Variants in MTERF4 observed in about 807,000 individuals in gnomAD.
MTERF4 encodes the protein transcription termination factor 4, mitochondrial.
MTERF4 carries 17 observed loss-of-function variants against 22.5 expected under a neutral mutation model. The observed-to-expected ratio is 0.75, with a 90% CI of 0.52 to 1.13. The LOEUF is 1.13. Ranked by LOEUF, MTERF4 falls within the 50% of genes most tolerant of loss-of-function variation. The pLI is 0.00. For missense variants in MTERF4, 420 were observed against 466.8 expected (o/e 0.90, Z 0.92); for synonymous variants, 165 against 175.3 (o/e 0.94, Z 0.47).
At chr2:241,091,463 G>A (rs1459101819), downstream of MTERF4, among the ~76,000 whole-genome samples, 2 of 152,000 alleles carry the variant, frequency 1.3e-5, no homozygotes, top group South Asian at 2.1e-4. This position sits in a 1 kb window ranked among gnomAD's most constrained non-coding sequence, Gnocchi z 4.1. Context: ...CTAAGAACGC[G>A]GGGTCCTCCC....
chr2:241,096,145 A>G lies in MTERF4; in HGVS notation c.999T>C (p.Asp333=), dbSNP rs775676242. The change falls in exon 4 of 4, where the codon GAT becomes GAC. Residue 333 remains aspartate (D), a synonymous_variant. Coordinates refer to ENST00000391980, the MANE Select transcript of MTERF4 (RefSeq NM_182501.4). This position sits in a 1 kb window ranked among gnomAD's most constrained non-coding sequence, Gnocchi z 5.1. ...EEEESESSTS[D]DKRASLDEDE... The stretch of plus-strand genomic sequence containing the variant: ...CCTCATCCAGACTTGCCCTTTTGTC[A>G]TCAGATGTGCTGCTCTCAGACTCCT... 3.2e-5 allele frequency: 52 copies of G among 1,613,902 alleles called. No homozygotes were observed. The highest frequency in any genetic ancestry group is 4.2e-5 in the Non-Finnish European group (49 of 1,180,034).
At chr2:241,071,739 G>C, downstream of MTERF4, 1 of 1,344,908 alleles carries the variant, frequency 7.4e-7, no homozygotes, top group Non-Finnish European at 1.0e-6. Flanking sequence ...CCCACCCATC[G>C]GCCCCATCGC....
At chr2:241,064,789 G>C in the MTERF4 span, 7 of 1,321,506 alleles carry the variant, frequency 5.3e-6, no homozygotes, top group Admixed American at 1.2e-4. This position sits in a 1 kb window ranked among gnomAD's most constrained non-coding sequence, Gnocchi z 7.0. Flanking sequence ...GGCGGGGCTG[G>C]AGCAGGGACC....
the MTERF4 span, chr2:241,065,015 G>T: frequency 7.7e-7 from 1 of 1,304,438 alleles, no homozygotes. Context: ...TCTCCCTAGA[G>T]GGCCCAACGG....
chr2:241,102,176 C>G, intron 1 of MTERF4, 77 bp downstream of exon 1: 1 of 1,542,982 alleles, frequency 6.5e-7, no homozygotes, highest in Non-Finnish European at 8.8e-7. Context: ...GTGAAACACT[C>G]GGCGGCCGCG....
the MTERF4 span, among the ~76,000 whole-genome samples, chr2:241,047,812 A>G: frequency 6.6e-6 from 1 of 150,468 alleles, no homozygotes; most frequent in African/African-American, 2.5e-5. Context: ...TGTTCTGTCC[A>G]TTCCCAGGTG....
At chr2:241,087,465 A>AC, downstream of MTERF4, 1 of 1,602,344 alleles carries the variant, frequency 6.2e-7, no homozygotes, top group Non-Finnish European at 8.5e-7. Context: ...CCTCAAGAAG[A>AC]CCCCAAACAG....
downstream of MTERF4, among the ~76,000 whole-genome samples, chr2:241,068,730 G>A (rs779292914): frequency 3.9e-5 from 6 of 152,048 alleles, no homozygotes; most frequent in Admixed American, 1.3e-4. The surrounding 1 kb of genome is among the most constrained non-coding windows in gnomAD (Gnocchi z 5.3). Context: ...TTGGCTTCCC[G>A]CCCTAGGAGC....
downstream of MTERF4, chr2:241,070,209 C>CCG: frequency 6.3e-7 from 1 of 1,598,714 alleles, no homozygotes; most frequent in Non-Finnish European, 8.5e-7. Flanking sequence ...CCTGTGAGTG[C>CCG]CGTGGGCCCT....
At chr2:241,056,875 C>T in the MTERF4 span, among the ~76,000 whole-genome samples, 8 of 152,030 alleles carry the variant, frequency 5.3e-5, no homozygotes, top group Admixed American at 1.3e-4. Context: ...GCCACTGCGC[C>T]GGGCCAAATA....
downstream of MTERF4, among the ~76,000 whole-genome samples, chr2:241,082,992 G>A (rs1054541460): frequency 1.3e-5 from 2 of 151,970 alleles, no homozygotes; most frequent in Admixed American, 1.3e-4. Flanking sequence ...TAGATACTCA[G>A]CACACATCAG....
At chr2:241,098,752 T>C (rs764131448) in intron 2 of MTERF4, among the ~76,000 whole-genome samples, 16 of 147,434 alleles carry the variant, frequency 1.1e-4, no homozygotes, top group Non-Finnish European at 2.4e-4. Flanking sequence ...AAATGCTATA[T>C]GTACACATAT....
At chr2:241,063,042 C>T in the MTERF4 span, 1 of 608,462 alleles carries the variant, frequency 1.6e-6, no homozygotes. Flanking sequence ...CCTGCCAGCT[C>T]TGACATCCAA....
downstream of MTERF4, among the ~76,000 whole-genome samples, chr2:241,070,799 T>C (rs2062671760): frequency 6.6e-6 from 1 of 151,924 alleles, no homozygotes; most frequent in Non-Finnish European, 1.5e-5. Flanking sequence ...AGTGGGAAAA[T>C]GCAGGAGCAG....
In MTERF4 at chr2:241,099,812, G is replaced by C; in HGVS notation, c.104C>G (p.Thr35Arg). The C allele has an allele frequency of 6.2e-7, 1 of 1,614,068 alleles. No homozygotes were observed. The highest frequency in any genetic ancestry group is 8.5e-7 in the Non-Finnish European group (1 of 1,180,024). The change falls in exon 2 of 4, where the codon ACG becomes AGG. Residue 35 changes from threonine (T) to arginine (R), a missense_variant. Physicochemically the swap from Thr to Arg is moderately conservative, Grantham distance 71. Coordinates refer to ENST00000391980, the MANE Select transcript of MTERF4 (RefSeq NM_182501.4). ...CAGTTTGCGCAACAAAGAAGCTGTC[G>C]TCCTTCTCTGTTCTCCAAGATGAGG... ...QTPHLGEQRR[T>R]TASLLRKLTT...
At chr2:241,062,161 AC>A in the MTERF4 span, among the ~76,000 whole-genome samples, 1 of 152,174 alleles carries the variant, frequency 6.6e-6, no homozygotes, top group African/African-American at 2.4e-5. Context: ...CTGCCAGAAA[AC>A]CTAGTTTTTA....
chr2:241,072,315 T>C, exon 5 of MTERF4: 1 of 427,086 alleles, frequency 2.3e-6, no homozygotes, highest in South Asian at 1.7e-5. Flanking sequence ...ATCTTCCCGG[T>C]GGCAGCAAGG....
chr2:241,053,391 G>A, the MTERF4 span: 1 of 1,476,228 alleles, frequency 6.8e-7, no homozygotes, highest in Non-Finnish European at 9.1e-7. Context: ...TGGCCATGTG[G>A]AGGAGCACAG....
chr2:241,090,061 AC>A, downstream of MTERF4: 1 of 1,523,558 alleles, frequency 6.6e-7, no homozygotes, highest in South Asian at 1.3e-5. Context: ...TAAGAAATTA[AC>A]CTTAGCTTAC....
Sources: allele counts gnomAD v4.1 joint callset (sites outside exome capture counted in the v4.1 genomes callset), GRCh38; gene constraint gnomAD v4.1.1; non-coding constraint Gnocchi (gnomAD v3.1); transcripts MANE v1.5; gene names NCBI Gene and HGNC (gene_info 2026-07-23, HGNC 2026-07-21).